RABEP1: variants seen among roughly 807,000 people sequenced by gnomAD.
RABEP1 encodes the protein rab GTPase-binding effector protein 1.
Under a neutral mutation model 123.4 loss-of-function variants are expected in RABEP1, and 51 were observed. That is an observed-to-expected ratio of 0.41 (90% CI 0.33 to 0.52). The LOEUF is 0.52. Among genes scored for constraint, RABEP1 ranks in the 20% least tolerant of loss-of-function variants. The probability of loss-of-function intolerance (pLI) is 0.16; values close to 1 mark genes in which losing one functional copy is unlikely to be tolerated. For synonymous variants in RABEP1, 347 were observed against 355.2 expected, an observed-to-expected ratio of 0.98 and a Z score of 0.26; for missense variants, 888 against 996.3, an observed-to-expected ratio of 0.89 and a Z score of 1.46.
In RABEP1 at chr17:5,368,001, C is replaced by CAT. The variant is rs1212401349; in HGVS notation, c.1786-369_1786-368insAT. Among the ~76,000 whole-genome samples the CAT allele has an allele frequency of 3.8e-3, 560 of 147,402 alleles. 7 individuals carry two copies. The highest frequency in any genetic ancestry group is 0.027 in the East Asian group (114 of 4,230). ...CGAACTCCTGACCTCAGGTGATCTGCCCGCCTCAGCCTCCCAAAGTGCTGG... is the reference window on the plus strand; with the variant it reads ...CGAACTCCTGACCTCAGGTGATCTGCATCCGCCTCAGCCTCCCAAAGTGCTGG... On this transcript the variant is annotated intron_variant, in intron 11 of 17. Coordinates refer to ENST00000537505, the MANE Select transcript of RABEP1 (RefSeq NM_004703.6).
intron 5 of RABEP1, among the ~76,000 whole-genome samples, chr17:5,343,670 CT>C (rs753410845): frequency 0.093 from 9,232 of 99,038 alleles, 144 homozygotes; most frequent in East Asian, 0.14. Context: ...TTTCTTTTCT[CT>C]TTTTTTTTTT....
rs1182584562 is a variant in RABEP1, at chr17:5,384,368, C to T, written c.*1145C>T. ...AAAGCACAAAGAATTGATTCATGTT[C>T]ATCAATACCTGCTGAGAGTACTGTC... On this transcript the variant is annotated 3_prime_UTR_variant, in exon 18 of 18. Coordinates refer to ENST00000537505, the MANE Select transcript of RABEP1 (RefSeq NM_004703.6). The T allele has an allele frequency of 4.7e-6, 1 of 212,434 alleles. No homozygotes were observed. Among genetic ancestry groups the T allele is most frequent in the African/African-American group, 2.3e-5 (1 of 44,202 alleles). The allele number at this position is 212,434 out of a possible 1,614,324, so 13.2% of individuals were successfully genotyped here.
chr17:5,371,486 A>G (rs1456333623), intron 12 of RABEP1: 1 of 152,182 alleles, frequency 6.6e-6, no homozygotes, highest in African/African-American at 2.4e-5. Flanking sequence ...AAGCAAATAT[A>G]TACATATTCT....
At chr17:5,373,603 C>CA in intron 13 of RABEP1, 149 bp downstream of exon 13, 2 of 900,916 alleles carry the variant, frequency 2.2e-6, no homozygotes, top group Non-Finnish European at 3.2e-6. Flanking sequence ...TTGCTGTACT[C>CA]ACAGATGTGT....
At chr17:5,378,103 TA>T in intron 14 of RABEP1, 73 bp from the exon 15 acceptor site, 3 of 1,258,396 alleles carry the variant, frequency 2.4e-6, no homozygotes, top group Non-Finnish European at 3.4e-6. Context: ...GGGGGTGCTC[TA>T]AAATTTTAAA....
chr17:5,378,094 G>C, intron 14 of RABEP1, 83 bp from the exon 15 acceptor site: 1 of 1,037,412 alleles, frequency 9.6e-7, no homozygotes, highest in South Asian at 1.5e-5. Context: ...AATCCTTTGG[G>C]GGGTGCTCTA....
chr17:5,373,359 A>G lies in RABEP1; in HGVS notation c.1930A>G (p.Arg644Gly), dbSNP rs1185876556. Reference sequence around the variant, plus strand: ...GGAACAGGTTTCAGAAGAGCTGGTGAGGTTACAGAAAGATAATGACAGTCT... The same window carrying G: ...GGAACAGGTTTCAGAAGAGCTGGTGGGGTTACAGAAAGATAATGACAGTCT... The part of the protein sequence containing the change: ...SREQVSEELV[R>G]LQKDNDSLQG... Residue 644 changes from arginine to glycine, a missense_variant, in exon 13 of 18, where the codon AGG becomes GGG. Transcript: ENST00000537505. 9.9e-6 allele frequency: 16 copies of G among 1,613,170 alleles called. No homozygotes were observed. Among genetic ancestry groups the G allele is most frequent in the Non-Finnish European group, 1.4e-5 (16 of 1,179,850 alleles).
chr17:5,340,639 T>TTAA (rs1555522253), intron 5 of RABEP1, among the ~76,000 whole-genome samples: 2 of 142,842 alleles, frequency 1.4e-5, no homozygotes, highest in East Asian at 2.0e-4. Context: ...GCCAGATCTT[T>TTAA]AAAAAAAAAA....
rs780314100 is a variant in RABEP1, at chr17:5,361,301, A to T, written c.1189A>T (p.Met397Leu). ...TCCTTTCAGTAAATCGGACAATGAC[A>T]TGTTTAAAGATGGACTCAGGAGAGC... ...GDPFSKSDND[M>L]FKDGLRRAQS... The change falls in exon 9 of 18, where the codon ATG becomes TTG. Residue 397 changes from methionine to leucine, a missense_variant. Transcript: ENST00000537505. The T allele has an allele frequency of 6.2e-7, 1 of 1,614,144 alleles. No individual in the cohort carries two copies.
rs199847824 is a variant in RABEP1 at position 5,380,391 on chromosome 17, C to G, written c.2299C>G (p.Gln767Glu). 6.4e-7 allele frequency: 1 copy of G among 1,572,966 alleles called. No homozygotes were observed. The highest frequency in any genetic ancestry group is 8.6e-7 in the Non-Finnish European group (1 of 1,157,930). ...GGAGTCCACATTAAGAGAGAAGTCT[C>G]AACAGCTTGAGAGTCTTCAGGAAAT... is the stretch of plus-strand genomic sequence containing the variant. ...QLESTLREKSQQLESLQEIKI... is the reference protein window; with the variant it reads ...QLESTLREKSEQLESLQEIKI... The change falls in exon 16 of 18, where the codon CAA becomes GAA. Residue 767 changes from glutamine to glutamate, a missense_variant. Transcript: ENST00000537505.
At position 5,323,821 on chromosome 17, in the gene RABEP1, TATATATATATATCTAGGA is replaced by T. The variant is rs1567522201; in HGVS notation, c.164-8115_164-8098del. Reference sequence around the variant, plus strand: ...AGGAATATATATATATATCTAGGAATATATATATATATCTAGGAATATATATATATATCTAGGAATATA... The same window carrying T: ...AGGAATATATATATATATCTAGGAATATATATATATATATCTAGGAATATA... On this transcript the variant is annotated intron_variant, in intron 2 of 17. Transcript: ENST00000537505. Among the ~76,000 whole-genome samples, 30 of 122,848 alleles carry T rather than the reference TATATATATATATCTAGGA, an allele frequency of 2.4e-4. 1 individual carries two copies. Among genetic ancestry groups the T allele is most frequent in the Non-Finnish European group, 3.7e-4 (23 of 62,586 alleles). The allele number at this position is 122,848 out of a possible 152,430, so 80.6% of individuals were successfully genotyped here. A position where few individuals can be genotyped will look rare whatever the true frequency, so the allele number is the denominator to read the frequency against.
chr17:5,380,437 A>T lies in RABEP1; in HGVS notation c.2345A>T (p.Gln782Leu). The change falls in exon 16 of 18, where the codon CAG becomes CTG. Residue 782 changes from glutamine (Q) to leucine (L), a missense_variant. By Grantham distance (113) the Gln-to-Leu change is moderately radical (BLOSUM62 -2). Coordinates refer to ENST00000537505, the MANE Select transcript of RABEP1 (RefSeq NM_004703.6). ...GAAATAAAGATCAGTTTGGAAGAGC[A>T]GTTAAAGAAAGAGACTGCTGCTAAG... ...LQEIKISLEE[Q>L]LKKETAAKAT... is the part of the protein sequence containing the mutation. The T allele has an allele frequency of 1.3e-6, 2 of 1,558,808 alleles. No individual in the cohort carries two copies. Among genetic ancestry groups the T allele is most frequent in the South Asian group, 1.2e-5 (1 of 84,624 alleles).
In RABEP1 at chr17:5,282,346, C is replaced by G. The variant is rs893685334; in HGVS notation, c.-141C>G. ...TCTCTGCCCGCGGCTGTGGCGGCGC[C>G]GGCGGATCCAGCCTTAGCGGTTTCT... On this transcript the variant is annotated 5_prime_UTR_variant, in exon 1 of 18. Coordinates refer to ENST00000537505, the MANE Select transcript of RABEP1 (RefSeq NM_004703.6). The G allele has an allele frequency of 8.2e-6, 5 of 612,988 alleles. No individual in the cohort carries two copies. The highest frequency in any genetic ancestry group is 1.2e-5 in the Non-Finnish European group (5 of 415,038). 38.0% of individuals were successfully genotyped at this position (612,988 alleles called of 1,614,324 possible).
At chr17:5,286,956 G>A (rs1567861238) in intron 1 of RABEP1, among the ~76,000 whole-genome samples, 1 of 152,196 alleles carries the variant, frequency 6.6e-6, no homozygotes. Flanking sequence ...AGATAGAGGA[G>A]TTAGCCTTGA....
At chr17:5,285,347 TG>T (rs1187110155) in intron 1 of RABEP1, among the ~76,000 whole-genome samples, 1 of 151,758 alleles carries the variant, frequency 6.6e-6, no homozygotes, top group Non-Finnish European at 1.5e-5. Context: ...TTGCCCAGTC[TG>T]GTCTTGAACC....
intron 10 of RABEP1, chr17:5,364,294 A>T (rs1247385877): frequency 1.3e-5 from 2 of 152,222 alleles, no homozygotes; most frequent in African/African-American, 4.8e-5. Flanking sequence ...CAGAGTTAGG[A>T]AAGAAAATGA....
At chr17:5,347,852 T>C (rs1908201899) in intron 6 of RABEP1, among the ~76,000 whole-genome samples, 1 of 152,152 alleles carries the variant, frequency 6.6e-6, no homozygotes, top group South Asian at 2.1e-4. Flanking sequence ...CTCTAACACT[T>C]CCAGAAATAA....
intron 2 of RABEP1, among the ~76,000 whole-genome samples, chr17:5,326,236 A>G (rs1267273690): frequency 6.6e-6 from 1 of 152,226 alleles, no homozygotes; most frequent in Non-Finnish European, 1.5e-5. Context: ...ACTTCGAAGC[A>G]TGGAAGATGT....
At chr17:5,371,395 C>T (rs1208083480) in intron 12 of RABEP1, 2 of 152,214 alleles carry the variant, frequency 1.3e-5, no homozygotes, top group Non-Finnish European at 1.5e-5. Flanking sequence ...CTGTCCTTTT[C>T]ACCCCATTTC....
Sources: gnomAD v4.1 joint callset for allele counts (sites outside exome capture counted in the v4.1 genomes callset) on GRCh38, gnomAD v4.1.1 for gene constraint, MANE v1.5 for transcripts, NCBI Gene and HGNC (gene_info 2026-07-23, HGNC 2026-07-21) for gene names.